Variants in BTBD7 observed in about 807,000 individuals in gnomAD.
BTBD7 encodes the protein BTB/POZ domain-containing protein 7.
Under a neutral mutation model 99.9 loss-of-function variants are expected in BTBD7, and 38 were observed. The observed-to-expected ratio is 0.38, with a 90% CI of 0.29 to 0.50. BTBD7 has a LOEUF of 0.50. Among genes scored for constraint, BTBD7 ranks in the 20% least tolerant of loss-of-function variants. BTBD7 has a pLI of 0.93. For missense variants in BTBD7, 1,170 were observed against 1,394.6 expected (o/e 0.84, Z 2.57); for synonymous variants, 520 against 511.4 (o/e 1.02, Z -0.23).
chr14:93,277,543 A>G (rs1046695183), intron 3 of BTBD7, among the ~76,000 whole-genome samples: 4 of 152,138 alleles, frequency 2.6e-5, no homozygotes, highest in African/African-American at 4.8e-5. Flanking sequence ...CCCAATTCCA[A>G]TTCTCTTTAG....
intron 3 of BTBD7, among the ~76,000 whole-genome samples, chr14:93,273,605 T>C (rs1450522161): frequency 6.6e-6 from 1 of 152,182 alleles, no homozygotes; most frequent in African/African-American, 2.4e-5. Flanking sequence ...CTGAGAATAT[T>C]AAACCCCAAG....
intron 1 of BTBD7, among the ~76,000 whole-genome samples, chr14:93,317,921 G>A (rs555801445): frequency 5.9e-5 from 9 of 152,314 alleles, no homozygotes; most frequent in African/African-American, 1.9e-4. Context: ...AGCTTCCCTG[G>A]AAGACAACAT....
chr14:93,257,377 G>A (rs751574495), intron 5 of BTBD7, 22 bp from the exon 6 acceptor site: 15 of 1,580,610 alleles, frequency 9.5e-6, no homozygotes, highest in Non-Finnish European at 1.2e-5. Flanking sequence ...AAAATGAAAA[G>A]TTTCCAACCA....
intron 1 of BTBD7, among the ~76,000 whole-genome samples, chr14:93,324,430 A>AAT: frequency 6.6e-6 from 1 of 152,096 alleles, no homozygotes; most frequent in African/African-American, 2.4e-5. Flanking sequence ...TCAAAAAAAA[A>AAT]AAAAAGAGAT....
intron 3 of BTBD7, among the ~76,000 whole-genome samples, chr14:93,267,343 A>C (rs574701147): frequency 6.6e-6 from 1 of 152,140 alleles, no homozygotes; most frequent in African/African-American, 2.4e-5. Context: ...AAATCACTTC[A>C]CTCTTTAAGA....
At chr14:93,329,278 A>T (rs1439075993) in intron 1 of BTBD7, among the ~76,000 whole-genome samples, 1 of 152,236 alleles carries the variant, frequency 6.6e-6, no homozygotes, top group Non-Finnish European at 1.5e-5. Context: ...GCTTAACATC[A>T]CCAATCATTT....
intron 1 of BTBD7, among the ~76,000 whole-genome samples, chr14:93,331,879 T>TCCCCGC (rs142778268): frequency 3.8e-5 from 5 of 133,116 alleles, no homozygotes; most frequent in African/African-American, 1.4e-4. Context: ...AGACTCCGTC[T>TCCCCGC]CCCCCCCCCC....
At chr14:93,258,458 G>T (rs1342035704) in intron 5 of BTBD7, among the ~76,000 whole-genome samples, 1 of 152,080 alleles carries the variant, frequency 6.6e-6, no homozygotes, top group Non-Finnish European at 1.5e-5. Context: ...TATGTGACAG[G>T]TAAGTGCAGA....
chr14:93,282,913 G>A (rs1004522507), intron 3 of BTBD7, among the ~76,000 whole-genome samples: 17 of 152,138 alleles, frequency 1.1e-4, no homozygotes, highest in African/African-American at 4.1e-4. Flanking sequence ...GTATGTGCAA[G>A]GTGCAATGAA....
chr14:93,259,142 TACA>T (rs934379198), intron 5 of BTBD7, among the ~76,000 whole-genome samples: 60 of 152,240 alleles, frequency 3.9e-4, no homozygotes, highest in African/African-American at 1.4e-3. Flanking sequence ...AACCTCTGGG[TACA>T]ACATTTTTGT....
Position 93,294,773 on chromosome 14 carries a change from C to T in BTBD7, c.247G>A (p.Ala83Thr). ...RRKSNRSADH[A>T]KQMRELLSGW... ...GAGAGGAGTTCTCGCATCTGCTTGG[C>T]ATGATCGGCAGACCTATTAGATTTC... The change falls in exon 3 of 11, where the codon GCC becomes ACC. Residue 83 changes from alanine (A) to threonine (T), a missense_variant. By Grantham distance (58) the Ala-to-Thr change is moderately conservative. Coordinates refer to ENST00000334746, the MANE Select transcript of BTBD7 (RefSeq NM_001002860.4). 1 of 1,613,920 alleles carries T rather than the reference C, an allele frequency of 6.2e-7. No individual in the cohort carries two copies. Among genetic ancestry groups the T allele is most frequent in the Non-Finnish European group, 8.5e-7 (1 of 1,179,988 alleles).
chr14:93,329,758 C>T (rs991001357), intron 1 of BTBD7, among the ~76,000 whole-genome samples: 14 of 152,060 alleles, frequency 9.2e-5, no homozygotes, highest in Non-Finnish European at 1.8e-4. Context: ...ATAAAAGAGA[C>T]AGTAGAACTG....
chr14:93,287,755 G>A (rs913295023), intron 3 of BTBD7: 2 of 152,190 alleles, frequency 1.3e-5, no homozygotes, highest in Non-Finnish European at 2.9e-5. Context: ...GACCTACTGT[G>A]TGGCTGATGC....
intron 1 of BTBD7, among the ~76,000 whole-genome samples, chr14:93,326,116 GA>G (rs2053328046): frequency 6.6e-6 from 1 of 152,184 alleles, no homozygotes; most frequent in Non-Finnish European, 1.5e-5. Context: ...AATAAGTGCT[GA>G]ATGTTCAAAT....
intron 3 of BTBD7, among the ~76,000 whole-genome samples, chr14:93,282,745 T>C (rs1289839969): frequency 1.3e-5 from 2 of 152,196 alleles, no homozygotes; most frequent in Non-Finnish European, 2.9e-5. Flanking sequence ...CCCTCTTTAG[T>C]CAGTAATGCC....
intron 1 of BTBD7, among the ~76,000 whole-genome samples, chr14:93,319,893 G>T (rs752244853): frequency 5.9e-5 from 9 of 152,212 alleles, no homozygotes; most frequent in Admixed American, 2.0e-4. Context: ...AGGAAGACTT[G>T]AGAGTTGAAT....
At chr14:93,318,857 T>A (rs890641099) in intron 1 of BTBD7, among the ~76,000 whole-genome samples, 2 of 152,208 alleles carry the variant, frequency 1.3e-5, no homozygotes, top group African/African-American at 4.8e-5. Flanking sequence ...TGGGACTGTG[T>A]CTTATTTCAG....
chr14:93,297,391 C>T (rs1337665867), intron 1 of BTBD7, among the ~76,000 whole-genome samples: 1 of 152,188 alleles, frequency 6.6e-6, no homozygotes, highest in Non-Finnish European at 1.5e-5. Context: ...GGCGCAATCT[C>T]GGCTCACTTT....
At chr14:93,327,067 A>G (rs1652242680) in intron 1 of BTBD7, among the ~76,000 whole-genome samples, 3 of 152,204 alleles carry the variant, frequency 2.0e-5, no homozygotes, top group South Asian at 2.1e-4. Flanking sequence ...AGGCTGAGGC[A>G]GGAGGCTTGC....
Sources: gnomAD v4.1 joint callset for allele counts (sites outside exome capture counted in the v4.1 genomes callset) on GRCh38, gnomAD v4.1.1 for gene constraint, MANE v1.5 for transcripts, NCBI Gene and HGNC (gene_info 2026-07-23, HGNC 2026-07-21) for gene names.